The following SETD1B variants were observed in gnomAD, a reference collection of about 807,000 sequenced individuals.
The protein encoded by SETD1B is SET domain containing 1B, histone lysine methyltransferase.
SETD1B carries 7 observed loss-of-function variants against 148.0 expected under a neutral mutation model. That is an observed-to-expected ratio of 0.05 (90% confidence interval 0.03 to 0.09). The LOEUF (loss-of-function observed/expected upper bound fraction) is 0.09, where lower values mean the gene tolerates loss of function less well. SETD1B is among the 10% of genes least tolerant of loss of function. The pLI, the probability that SETD1B is intolerant of heterozygous loss-of-function variation, is 1.00. For synonymous variants in SETD1B, 1,361 were observed against 1,186.5 expected, an observed-to-expected ratio of 1.15 and a Z score of -3.02; for missense variants, 2,155 against 2,729.9, an observed-to-expected ratio of 0.79 and a Z score of 4.69.
intron 7 of SETD1B, among the ~76,000 whole-genome samples, chr12:121,815,512 C>CT (rs926218141): frequency 6.6e-6 from 1 of 151,872 alleles, no homozygotes; most frequent in Non-Finnish European, 1.5e-5. Flanking sequence ...CACTTTTTTC[C>CT]TTTTTTTGTT....
chr12:121,801,668 G>A (rs1875370824), upstream of SETD1B: 1 of 152,470 alleles, frequency 6.6e-6, no homozygotes. Context: ...ATTTAGTTGG[G>A]AAATTTGGGG....
chr12:121,828,049 C>T lies in SETD1B; in HGVS notation c.5706C>T (p.Arg1902=). The T allele has an allele frequency of 6.4e-7, 1 of 1,552,276 alleles. No homozygotes were observed. Among genetic ancestry groups the T allele is most frequent in the Non-Finnish European group, 8.7e-7 (1 of 1,147,240 alleles). The stretch of plus-strand genomic sequence containing the variant: ...CCACCAAGTGCGGCAACTTCGCGCG[C>T]TTCATCAACCACAGCTGCAACGTGA... ...IDATKCGNFA[R]FINHSCNPNC... is the part of the protein sequence containing the mutation. Residue 1902 remains arginine (R), a synonymous_variant, in exon 16 of 17, where the codon CGC becomes CGT. Transcript: ENST00000604567.
chr12:121,809,667 C>T lies in SETD1B; in HGVS notation c.722C>T (p.Ser241Phe). 6.4e-7 allele frequency: 1 copy of T among 1,551,670 alleles called. No individual in the cohort carries two copies. Among genetic ancestry groups the T allele is most frequent in the Non-Finnish European group, 8.7e-7 (1 of 1,146,988 alleles). The change falls in exon 6 of 17, where the codon TCC becomes TTC. Residue 241 changes from serine (S) to phenylalanine (F), a missense_variant. Ser to Phe is a radical substitution (Grantham distance 155). Transcript: ENST00000604567. The part of the protein sequence containing the change: ...GLSAGCGSGS[S>F]SVTPNSGGTP... ...TCTGCAGGCTGTGGCTCCGGCTCCT[C>T]CTCTGTCACCCCCAATAGCGGTGGG...
Position 121,817,175 on chromosome 12 carries a change from T to C in SETD1B, c.2858T>C (p.Leu953Pro). Reference protein sequence around the residue: ...GYEGLGLGIGLRGAIRLPSFK... With the variant: ...GYEGLGLGIGPRGAIRLPSFK... ...GAGGGCCTGGGCCTGGGCATTGGGC[T>C]GCGTGGGGCCATTCGCCTGCCCTCC... is the stretch of plus-strand genomic sequence containing the variant. Residue 953 changes from leucine (L) to proline (P), a missense_variant, in exon 8 of 17, where the codon CTG (leucine) becomes CCG (proline). Leu to Pro is a moderately conservative substitution (Grantham distance 98). Around this residue, in one of 11 missense-constraint regions of SETD1B, gnomAD observed 289 missense variants for 423.7 expected, o/e 0.68. Coordinates refer to ENST00000604567, the MANE Select transcript of SETD1B (RefSeq NM_001353345.2). This position sits in a 1 kb window ranked among gnomAD's most constrained non-coding sequence, Gnocchi z 8.1. 6.5e-7 allele frequency: 1 copy of C among 1,549,882 alleles called. No homozygotes were observed. The highest frequency in any genetic ancestry group is 8.7e-7 in the Non-Finnish European group (1 of 1,146,896).
Position 121,823,152 on chromosome 12 carries a change from T to G in SETD1B, c.4573T>G (p.Ser1525Ala). 5 of 1,526,528 alleles carry G rather than the reference T, an allele frequency of 3.3e-6. No individual in the cohort carries two copies. The highest frequency in any genetic ancestry group is 4.4e-6 in the Non-Finnish European group (5 of 1,141,590). 94.6% of individuals were successfully genotyped at this position (1,526,528 alleles called of 1,614,324 possible). The change falls in exon 12 of 17, where the codon TCC becomes GCC. Residue 1525 changes from serine (S) to alanine (A), a missense_variant. Ser to Ala is a moderately conservative substitution (Grantham distance 99, BLOSUM62 1). Coordinates refer to ENST00000604567, the MANE Select transcript of SETD1B (RefSeq NM_001353345.2). Reference sequence around the variant, plus strand: ...GAGGAAGCCGGGCCGGCCCCGGCGATCCCCACCATCTATGCTCTCCTTGGA... The same window carrying G: ...GAGGAAGCCGGGCCGGCCCCGGCGAGCCCCACCATCTATGCTCTCCTTGGA... ...MKRKPGRPRRSPPSMLSLDGP... is the reference protein window; with the variant it reads ...MKRKPGRPRRAPPSMLSLDGP...
chr12:121,793,073 AC>A, the SETD1B span: 1 of 1,231,260 alleles, frequency 8.1e-7, no homozygotes, highest in Non-Finnish European at 1.2e-6. Context: ...GGGCGGGGAC[AC>A]CCAGTGGGGG....
the SETD1B span, chr12:121,797,426 CAGG>C: frequency 1.1e-5 from 5 of 455,814 alleles, no homozygotes; most frequent in East Asian, 7.0e-5. Context: ...GGAACAGCAG[CAGG>C]AGGACAAACT....
rs1877099270 is a variant in SETD1B, at chr12:121,831,652, T to G, written c.*1413T>G. ...AAAGGAAAAAAAAGACAAAAGCAAG[T>G]CCCCCCGTACCCCAGAAAGCAGAGG... On this transcript the variant is annotated 3_prime_UTR_variant, in exon 17 of 17. Coordinates refer to ENST00000604567, the MANE Select transcript of SETD1B (RefSeq NM_001353345.2). The G allele has an allele frequency of 6.6e-6, 1 of 151,428 alleles. No homozygotes were observed. The highest frequency in any genetic ancestry group is 1.5e-5 in the Non-Finnish European group (1 of 67,840). 9.4% of individuals were successfully genotyped at this position (151,428 alleles called of 1,614,324 possible).
At chr12:121,820,295 C>G (rs1876507153) in intron 11 of SETD1B, among the ~76,000 whole-genome samples, 1 of 152,160 alleles carries the variant, frequency 6.6e-6, no homozygotes. Flanking sequence ...CCTCCGGCAT[C>G]GTGATGCTGC....
chr12:121,802,972 A>G (rs1179790246), upstream of SETD1B: 1 of 152,270 alleles, frequency 6.6e-6, no homozygotes, highest in African/African-American at 2.4e-5. Context: ...TCAGCGTCTA[A>G]TAACTCAAGC....
intron 13 of SETD1B, among the ~76,000 whole-genome samples, chr12:121,827,213 G>C (rs1876883612): frequency 6.6e-6 from 1 of 152,042 alleles, no homozygotes; most frequent in Admixed American, 6.6e-5. Flanking sequence ...ACGCTTGTGG[G>C]GTGAGAGGGG....
chr12:121,812,805 T>G (rs937301011), intron 6 of SETD1B, among the ~76,000 whole-genome samples: 11 of 152,006 alleles, frequency 7.2e-5, no homozygotes, highest in Non-Finnish European at 1.5e-4. Flanking sequence ...GGGGACCTGG[T>G]AAAGTCCAGA....
At position 121,823,649 on chromosome 12, in the gene SETD1B, TGAG is replaced by T; in HGVS notation, c.5076_5078del (p.Glu1692del). 6.4e-7 allele frequency: 1 copy of T among 1,551,528 alleles called. No homozygotes were observed. The highest frequency in any genetic ancestry group is 8.7e-7 in the Non-Finnish European group (1 of 1,146,970). On this transcript the variant is annotated inframe_deletion, in exon 12 of 17. Transcript: ENST00000604567. The stretch of plus-strand genomic sequence containing the variant: ...ATGACATCTGGAACGGTGGCATCGA[TGAG>T]GAGGACATCCGCTTCCTGTGTGTCA...
intron 12 of SETD1B, 76 bp downstream of exon 12, chr12:121,823,825 C>T (rs1397755249): frequency 6.8e-7 from 1 of 1,472,052 alleles, no homozygotes; most frequent in Non-Finnish European, 9.0e-7. Flanking sequence ...GGCCCCACCA[C>T]CCAGTCTGTA....
the SETD1B span, among the ~76,000 whole-genome samples, chr12:121,791,659 G>A: frequency 6.6e-6 from 1 of 152,188 alleles, no homozygotes; most frequent in Non-Finnish European, 1.5e-5. Context: ...ACTCTGACAT[G>A]TTCCTTGAGC....
At chr12:121,823,824 A>G in intron 12 of SETD1B, 75 bp downstream of exon 12, 4 of 1,471,424 alleles carry the variant, frequency 2.7e-6, no homozygotes, top group Non-Finnish European at 3.6e-6. Flanking sequence ...GGGCCCCACC[A>G]CCCAGTCTGT....
the SETD1B span, among the ~76,000 whole-genome samples, chr12:121,794,738 G>A: frequency 2.0e-5 from 3 of 151,558 alleles, no homozygotes; most frequent in Non-Finnish European, 4.4e-5. Flanking sequence ...CGGGCTGACT[G>A]CCCTCTGCAC....
chr12:121,814,292 C>A lies in SETD1B; in HGVS notation c.2077C>A (p.Pro693Thr). Residue 693 changes from proline to threonine, a missense_variant, in exon 7 of 17, where the codon CCA becomes ACA. Transcript: ENST00000604567. ...ACCTGGCTTCCCCCCGCTGCCCCCC[C>A]CACCACCACCACCCCCACCGCAGCC... ...PPPGFPPLPP[P>T]PPPPPPQPGF... is the part of the protein sequence containing the mutation. 9.5e-7 allele frequency: 1 copy of A among 1,057,224 alleles called. No homozygotes were observed. The highest frequency in any genetic ancestry group is 1.3e-6 in the Non-Finnish European group (1 of 788,158). The allele number at this position is 1,057,224 out of a possible 1,614,324, so 65.5% of individuals were successfully genotyped here. A position where few individuals can be genotyped will look rare whatever the true frequency, so the allele number is the denominator to read the frequency against.
intron 7 of SETD1B, among the ~76,000 whole-genome samples, chr12:121,815,896 C>T (rs1467532796): frequency 6.9e-6 from 1 of 145,264 alleles, no homozygotes; most frequent in African/African-American, 2.6e-5. Flanking sequence ...GGCGTGATCT[C>T]AGCCCTCTGC....
Sources: allele counts gnomAD v4.1 joint callset (sites outside exome capture counted in the v4.1 genomes callset), GRCh38; gene constraint gnomAD v4.1.1; regional missense constraint gnomAD v4.1.1; non-coding constraint Gnocchi (gnomAD v3.1); transcripts MANE v1.5; gene names NCBI Gene and HGNC (gene_info 2026-07-23, HGNC 2026-07-21).